SLC4A10: variants seen among roughly 807,000 people sequenced by gnomAD.
SLC4A10 encodes the protein sodium-driven chloride bicarbonate exchanger.
Under a neutral mutation model 137.7 loss-of-function variants are expected in SLC4A10, and 42 were observed. That is an observed-to-expected ratio of 0.30 (90% CI 0.24 to 0.39). The LOEUF (loss-of-function observed/expected upper bound fraction) is 0.39. Ranked by LOEUF, SLC4A10 falls within the 10% of genes least tolerant of loss-of-function variation. The pLI is 1.00. For synonymous variants in SLC4A10, 474 were observed against 464.1 expected (o/e 1.02, Z -0.27); for missense variants, 925 against 1,355.0 (o/e 0.68, Z 4.98).
intron 1 of SLC4A10, among the ~76,000 whole-genome samples, chr2:161,656,706 T>C (rs1219514653): frequency 6.6e-6 from 1 of 152,134 alleles, no homozygotes; most frequent in Non-Finnish European, 1.5e-5. Context: ...ATTTAAAAAT[T>C]TCTACATTGA....
chr2:161,714,092 C>G (rs1217764940), intron 1 of SLC4A10, among the ~76,000 whole-genome samples: 1 of 151,944 alleles, frequency 6.6e-6, no homozygotes, highest in Non-Finnish European at 1.5e-5. Flanking sequence ...TCATCTGACT[C>G]TATTTTTAGA....
rs1227931 is a variant in SLC4A10 at position 161,860,992 on chromosome 2, A to G, written c.578-1882A>G. Among the ~76,000 whole-genome samples the G allele has an allele frequency of 3.8e-3, 575 of 152,316 alleles. 1 individual carries two copies. Among genetic ancestry groups the G allele is most frequent in the African/African-American group, 0.012 (519 of 41,578 alleles). ...GTTTCAGCATCCTTAAAAAAGTTTCATTGGAGCATAACCAGGCTCATTTGT... is the reference window on the plus strand; with the variant it reads ...GTTTCAGCATCCTTAAAAAAGTTTCGTTGGAGCATAACCAGGCTCATTTGT... On this transcript the variant is annotated intron_variant, in intron 5 of 26. Coordinates refer to ENST00000446997, the MANE Select transcript of SLC4A10 (RefSeq NM_001178015.2).
At chr2:161,890,829 CATT>C (rs1378086977) in intron 10 of SLC4A10, among the ~76,000 whole-genome samples, 1 of 152,164 alleles carries the variant, frequency 6.6e-6, no homozygotes, top group Non-Finnish European at 1.5e-5. Flanking sequence ...TTGATCCTGT[CATT>C]ATAATGCTAG....
intron 15 of SLC4A10, among the ~76,000 whole-genome samples, chr2:161,937,597 A>G (rs934030967): frequency 6.6e-6 from 1 of 152,194 alleles, no homozygotes; most frequent in African/African-American, 2.4e-5. Flanking sequence ...CATTTTACAG[A>G]TGTAGTCAAA....
chr2:161,755,305 G>T (rs191940819), intron 1 of SLC4A10, among the ~76,000 whole-genome samples: 1 of 152,040 alleles, frequency 6.6e-6, no homozygotes, highest in Non-Finnish European at 1.5e-5. Context: ...TATTTCATTT[G>T]GTATGTGTTT....
At chr2:161,761,361 A>G (rs2050235782) in intron 1 of SLC4A10, among the ~76,000 whole-genome samples, 1 of 152,062 alleles carries the variant, frequency 6.6e-6, no homozygotes, top group Non-Finnish European at 1.5e-5. Context: ...GGCCTGCAAG[A>G]CAGATGGAGC....
intron 1 of SLC4A10, among the ~76,000 whole-genome samples, chr2:161,644,990 T>G (rs1044010523): frequency 6.6e-6 from 1 of 152,162 alleles, no homozygotes; most frequent in Non-Finnish European, 1.5e-5. Flanking sequence ...ATACAATAAA[T>G]GATGAGGCAT....
At chr2:161,796,456 G>A (rs2054782817) in intron 2 of SLC4A10, among the ~76,000 whole-genome samples, 1 of 152,162 alleles carries the variant, frequency 6.6e-6, no homozygotes, top group Non-Finnish European at 1.5e-5. Context: ...CAGCCAGCTA[G>A]GCTGGGCATG....
intron 1 of SLC4A10, among the ~76,000 whole-genome samples, chr2:161,746,732 C>T (rs1233904291): frequency 6.6e-6 from 1 of 152,138 alleles, no homozygotes; most frequent in African/African-American, 2.4e-5. Context: ...TGCCTAAGGC[C>T]TAAGGAAACT....
intron 10 of SLC4A10, among the ~76,000 whole-genome samples, chr2:161,888,936 CTT>C (rs1206316161): frequency 3.3e-5 from 5 of 152,030 alleles, no homozygotes; most frequent in Admixed American, 2.0e-4. Flanking sequence ...ATAAATAGCT[CTT>C]ATTATTTTGA....
intron 6 of SLC4A10, among the ~76,000 whole-genome samples, chr2:161,870,726 G>A (rs2061066283): frequency 6.6e-6 from 1 of 151,756 alleles, no homozygotes; most frequent in South Asian, 2.1e-4. Flanking sequence ...TGCACATTGT[G>A]GTTAGAAATG....
At chr2:161,733,217 C>T (rs1304812948) in intron 1 of SLC4A10, among the ~76,000 whole-genome samples, 2 of 152,194 alleles carry the variant, frequency 1.3e-5, no homozygotes, top group Non-Finnish European at 2.9e-5. Context: ...ATGGTAGCCA[C>T]TCCCATCACA....
chr2:161,888,717 C>A (rs1466566711), intron 10 of SLC4A10, among the ~76,000 whole-genome samples: 1 of 152,140 alleles, frequency 6.6e-6, no homozygotes, highest in Non-Finnish European at 1.5e-5. Flanking sequence ...TCTAAATATA[C>A]AATCATGTCA....
intron 1 of SLC4A10, among the ~76,000 whole-genome samples, chr2:161,669,630 A>C (rs1183846177): frequency 6.6e-6 from 1 of 152,072 alleles, no homozygotes; most frequent in African/African-American, 2.4e-5. Context: ...AATTGTTAAT[A>C]AAATCATGTG....
At chr2:161,632,735 A>C (rs1324126180) in intron 1 of SLC4A10, among the ~76,000 whole-genome samples, 1 of 151,612 alleles carries the variant, frequency 6.6e-6, no homozygotes, top group Non-Finnish European at 1.5e-5. Context: ...AGAATATTAA[A>C]GGGTAGCACT....
At position 161,699,996 on chromosome 2, in the gene SLC4A10, G is replaced by T. The variant is rs80263647; in HGVS notation, c.49-70977G>T. 1.8e-3 allele frequency among the ~76,000 whole-genome samples: 271 copies of T among 152,254 alleles called. 5 individuals are homozygous for T. The East Asian group carries it at 0.023, about 13-fold the overall frequency. On this transcript the variant is annotated intron_variant, in intron 1 of 26. Transcript: ENST00000446997. The stretch of plus-strand genomic sequence containing the variant: ...GGAAACTGAGGTCCACAGAAATTTT[G>T]TAACTGATAAAATATCCTAGGGTTA...
At chr2:161,817,066 C>T (rs1340425707) in intron 3 of SLC4A10, among the ~76,000 whole-genome samples, 1 of 152,208 alleles carries the variant, frequency 6.6e-6, no homozygotes, top group Non-Finnish European at 1.5e-5. Context: ...CTGACTTTCA[C>T]AATGATTGAA....
At chr2:161,863,751 T>C (rs1464677350) in intron 6 of SLC4A10, among the ~76,000 whole-genome samples, 1 of 152,200 alleles carries the variant, frequency 6.6e-6, no homozygotes, top group Non-Finnish European at 1.5e-5. Flanking sequence ...GTATTTTTTG[T>C]TCTCTCCTTG....
At chr2:161,655,882 C>T (rs1436061161) in intron 1 of SLC4A10, among the ~76,000 whole-genome samples, 1 of 146,202 alleles carries the variant, frequency 6.8e-6, no homozygotes, top group Non-Finnish European at 1.5e-5. Context: ...TGTATGATCT[C>T]GGGGCAGTGC....
Sources: allele counts gnomAD v4.1 joint callset (sites outside exome capture counted in the v4.1 genomes callset), GRCh38; gene constraint gnomAD v4.1.1; transcripts MANE v1.5; gene names NCBI Gene and HGNC (gene_info 2026-07-23, HGNC 2026-07-21).